SZT2: variants seen among roughly 807,000 people sequenced by gnomAD.
SZT2 encodes the protein KICSTOR complex protein SZT2.
In SZT2, 216 loss-of-function variants were observed where a neutral mutation model predicts 404.2. The observed-to-expected ratio is 0.53, with a 90% CI of 0.48 to 0.60. The LOEUF (loss-of-function observed/expected upper bound fraction) is 0.60, where lower values mean the gene tolerates loss of function less well. Ranked by LOEUF, SZT2 falls within the 20% of genes least tolerant of loss-of-function variation. SZT2 has a pLI of 0.00. For synonymous variants in SZT2, 1,693 were observed against 1,749.9 expected (o/e 0.97, Z 0.81); for missense variants, 3,857 against 4,459.2 (o/e 0.86, Z 3.85).
chr1:43,415,883 C>A, intron 5 of SZT2, 77 bp from the exon 6 acceptor site: 1 of 1,493,494 alleles, frequency 6.7e-7, no homozygotes, highest in South Asian at 1.3e-5. Context: ...AAGTGCTGGG[C>A]TATAAATTCT....
rs1252617271 is a variant in SZT2, at chr1:43,430,672, A to G, written c.4657A>G (p.Thr1553Ala). The G allele has an allele frequency of 2.5e-6, 4 of 1,613,770 alleles. No individual in the cohort carries two copies. The highest frequency in any genetic ancestry group is 2.5e-6 in the Non-Finnish European group (3 of 1,179,944). The change falls in exon 32 of 72, where the codon ACT (threonine) becomes GCT (alanine). Residue 1553 changes from threonine (T) to alanine (A), a missense_variant. This residue lies in a region of SZT2 where 1,725 missense variants were observed against 1,881.0 expected (regional missense o/e 0.92). Coordinates refer to ENST00000634258, the MANE Select transcript of SZT2 (RefSeq NM_001365999.1). ...CAGTATCTTGGGGGGCGACTCACCC[A>G]CTGGGCCTGAGAGCTTCCTTCATGA... ...SFSILGGDSP[T>A]GPESFLHDLP...
Position 43,453,448 on chromosome 1 carries a change from C to G in SZT2, c.*2968C>G, listed in dbSNP as rs1238657612. ...GCTCCAGTCCCTCTCGGAAGGCCGC[C>G]TGTCTCCCGGGGACGGCCCCCAGCC... On this transcript the variant is annotated 3_prime_UTR_variant, in exon 72 of 72. Coordinates refer to ENST00000634258, the MANE Select transcript of SZT2 (RefSeq NM_001365999.1). 2 of 1,564,712 alleles carry G rather than the reference C, an allele frequency of 1.3e-6. No individual in the cohort carries two copies. The highest frequency in any genetic ancestry group is 2.7e-5 in the African/African-American group (2 of 73,504).
intron 1 of SZT2, among the ~76,000 whole-genome samples, chr1:43,400,041 C>T (rs1221100624): frequency 6.6e-6 from 1 of 152,050 alleles, no homozygotes; most frequent in Non-Finnish European, 1.5e-5. Context: ...CAGACTTAAG[C>T]GATCCTCCCA....
In SZT2 at chr1:43,420,109, G is replaced by A. The variant is rs1265926392; in HGVS notation, c.1091-44G>A. ...CTTCCCCCTACAGATCTGTCAGTTG[G>A]CAGATAACCAGTTTCTCCTTCCCCA... On this transcript the variant is annotated intron_variant, in intron 8 of 71. Coordinates refer to ENST00000634258, the MANE Select transcript of SZT2 (RefSeq NM_001365999.1). The surrounding 1 kb of genome is among the most constrained non-coding windows in gnomAD (Gnocchi z 5.1). The A allele has an allele frequency of 4.4e-6, 7 of 1,589,638 alleles. No individual in the cohort carries two copies. In the East Asian group the frequency reaches 8.9e-5, roughly 20 times the overall value.
At chr1:43,391,649 A>G (rs1648331591) in intron 1 of SZT2, among the ~76,000 whole-genome samples, 1 of 152,334 alleles carries the variant, frequency 6.6e-6, no homozygotes, top group African/African-American at 2.4e-5. Context: ...TTCATTATAG[A>G]TTAAAGTGAA....
At chr1:43,422,949 A>G in intron 14 of SZT2, 66 bp downstream of exon 14, 4 of 1,501,926 alleles carry the variant, frequency 2.7e-6, no homozygotes, top group Non-Finnish European at 3.6e-6. Flanking sequence ...CCTCTCCCCA[A>G]ACCCCACAGG....
chr1:43,437,263 G>A lies in SZT2; in HGVS notation c.6127G>A (p.Gly2043Arg), dbSNP rs1301342165. 1 of 1,614,166 alleles carries A rather than the reference G, an allele frequency of 6.2e-7. No individual in the cohort carries two copies. The highest frequency in any genetic ancestry group is 1.7e-5 in the Admixed American group (1 of 60,022). Residue 2043 changes from glycine to arginine, a missense_variant, in exon 43 of 72, where the codon GGA (glycine) becomes AGA (arginine). Around this residue, in one of 7 missense-constraint regions of SZT2, gnomAD observed 261 missense variants for 372.9 expected, o/e 0.70. Coordinates refer to ENST00000634258, the MANE Select transcript of SZT2 (RefSeq NM_001365999.1). The surrounding 1 kb of genome is among the most constrained non-coding windows in gnomAD (Gnocchi z 5.3). Reference protein sequence around the residue: ...PGHFSCDVVWGTVIRVHSRLK... With the variant: ...PGHFSCDVVWRTVIRVHSRLK... ...CCATTTCTCCTGTGACGTTGTGTGGGGAACTGTGATCCGAGTCCATTCACG... is the reference window on the plus strand; with the variant it reads ...CCATTTCTCCTGTGACGTTGTGTGGAGAACTGTGATCCGAGTCCATTCACG...
Position 43,451,052 on chromosome 1 carries a change from C to G in SZT2, c.*572C>G, listed in dbSNP as rs768227541. The G allele has an allele frequency of 1.3e-6, 1 of 791,420 alleles. No homozygotes were observed. Among genetic ancestry groups the G allele is most frequent in the Admixed American group, 1.7e-5 (1 of 58,560 alleles). 49.0% of individuals were successfully genotyped at this position (791,420 alleles called of 1,614,324 possible). ...GTGGGTTCAGAAGCTCTCCCATCTT[C>G]ACAGCAACCCTGGCACTGGCTTCTC... On this transcript the variant is annotated 3_prime_UTR_variant, in exon 72 of 72. Transcript: ENST00000634258.
In SZT2 at chr1:43,453,834, AGGCGGCGGGCGGCG is replaced by A. The variant is rs534101178; in HGVS notation, c.*3374_*3387del. The A allele has an allele frequency of 4.1e-4, 485 of 1,194,608 alleles. No homozygotes were observed. The highest frequency in any genetic ancestry group is 1.7e-3 in the African/African-American group (107 of 62,034). The allele number at this position is 1,194,608 out of a possible 1,614,324, so 74.0% of individuals were successfully genotyped here. On this transcript the variant is annotated 3_prime_UTR_variant, in exon 72 of 72. Coordinates refer to ENST00000634258, the MANE Select transcript of SZT2 (RefSeq NM_001365999.1). ...GCCGGGCGGAGTCCGCGGGATCCAA[AGGCGGCGGGCGGCG>A]GGCGGCGGGCGGCGGGCGGGGGCGG...
chr1:43,393,336 C>T (rs12734031), intron 1 of SZT2, among the ~76,000 whole-genome samples: 1 of 152,110 alleles, frequency 6.6e-6, no homozygotes, highest in Non-Finnish European at 1.5e-5. Flanking sequence ...ATCTGATACT[C>T]AAAAATTATC....
chr1:43,432,592 G>A lies in SZT2; in HGVS notation c.5518G>A (p.Val1840Met), dbSNP rs766998025. 6.8e-6 allele frequency: 11 copies of A among 1,613,820 alleles called. No homozygotes were observed. The highest frequency in any genetic ancestry group is 8.5e-6 in the Non-Finnish European group (10 of 1,179,836). The change falls in exon 38 of 72, where the codon GTG (valine) becomes ATG (methionine). Residue 1840 changes from valine to methionine, a missense_variant. This residue lies in a region of SZT2 where 1,725 missense variants were observed against 1,881.0 expected (regional missense o/e 0.92). Transcript: ENST00000634258. The part of the protein sequence containing the change: ...EGVPLISLPR[V>M]PQGGSQPGPS... ...TGTCCCCCTCATCAGCCTGCCCCGC[G>A]TGCCACAGGGAGGTAAGAGAGGACT...
At position 43,414,576 on chromosome 1, in the gene SZT2, A is replaced by G. The variant is rs1651476779; in HGVS notation, c.499-506A>G. On this transcript the variant is annotated intron_variant, in intron 4 of 71. Transcript: ENST00000634258. Reference sequence around the variant, plus strand: ...GCTGGGATTACAGGTGCCCACCACCATGCACAGCTAATTTTTGTAAAATTG... The same window carrying G: ...GCTGGGATTACAGGTGCCCACCACCGTGCACAGCTAATTTTTGTAAAATTG... Among the ~76,000 whole-genome samples, 4 of 152,256 alleles carry G rather than the reference A, an allele frequency of 2.6e-5. No homozygotes were observed. The South Asian group carries it at 8.3e-4, about 32-fold the overall frequency.
chr1:43,421,035 A>G, intron 10 of SZT2, 52 bp downstream of exon 10: 1 of 1,594,224 alleles, frequency 6.3e-7, no homozygotes, highest in Non-Finnish European at 8.5e-7. Flanking sequence ...GTATGGAGGG[A>G]CAGATTTGCA....
chr1:43,398,889 G>A (rs1255366816), intron 1 of SZT2, among the ~76,000 whole-genome samples: 1 of 152,080 alleles, frequency 6.6e-6, no homozygotes, highest in African/African-American at 2.4e-5. Context: ...AGACCAGCCT[G>A]GCCAATATGG....
At chr1:43,436,538 A>T (rs1208753007) in intron 42 of SZT2, 1 of 152,292 alleles carries the variant, frequency 6.6e-6, no homozygotes, top group African/African-American at 2.4e-5. Context: ...TTTACACAGA[A>T]ACTTCAGCCT....
Position 43,421,254 on chromosome 1 carries a change from C to A in SZT2, c.1577C>A (p.Thr526Asn). Residue 526 changes from threonine (T) to asparagine (N), a missense_variant, in exon 11 of 72, where the codon ACC (threonine) becomes AAC (asparagine). Thr to Asn is a moderately conservative substitution (Grantham distance 65). This residue lies in a region of SZT2 where 39 missense variants were observed against 89.7 expected (regional missense o/e 0.43). Coordinates refer to ENST00000634258, the MANE Select transcript of SZT2 (RefSeq NM_001365999.1). Reference protein sequence around the residue: ...VPEHFTLPDSTKSGVPLFYIP... With the variant: ...VPEHFTLPDSNKSGVPLFYIP... Reference sequence around the variant, plus strand: ...GAGCATTTCACGCTTCCTGACAGCACCAAGAGCGGAGTGCCACTCTTCTAC... The same window carrying A: ...GAGCATTTCACGCTTCCTGACAGCAACAAGAGCGGAGTGCCACTCTTCTAC... 1 of 1,598,610 alleles carries A rather than the reference C, an allele frequency of 6.3e-7. No individual in the cohort carries two copies. Among genetic ancestry groups the A allele is most frequent in the Non-Finnish European group, 8.5e-7 (1 of 1,179,808 alleles).
chr1:43,400,279 C>T (rs556890169), intron 1 of SZT2, among the ~76,000 whole-genome samples: 9 of 152,240 alleles, frequency 5.9e-5, no homozygotes, highest in Middle Eastern at 3.4e-3. Context: ...GAATATAATA[C>T]GCAAGTGCAA....
In SZT2 at chr1:43,428,115, C is replaced by T. The variant is rs760099699; in HGVS notation, c.3916C>T (p.Arg1306Cys). 3.7e-5 allele frequency: 60 copies of T among 1,613,482 alleles called. No individual in the cohort carries two copies. In the Admixed American group the frequency reaches 8.0e-4, roughly 22 times the overall value. ...LQEHAQRCYV[R>C]GLFRSLQQAQ... The stretch of plus-strand genomic sequence containing the variant: ...GGAGCATGCACAGCGGTGCTATGTC[C>T]GTGGTGAGCAGGAGGGCCGTGGGAG... Residue 1306 changes from arginine to cysteine, a missense_variant, in exon 27 of 72, where the codon CGT becomes TGT. Around this residue, in one of 7 missense-constraint regions of SZT2, gnomAD observed 1,725 missense variants for 1,881.0 expected, o/e 0.92. Transcript: ENST00000634258.
At chr1:43,395,551 T>C (rs1648895873) in intron 1 of SZT2, among the ~76,000 whole-genome samples, 1 of 152,204 alleles carries the variant, frequency 6.6e-6, no homozygotes, top group Non-Finnish European at 1.5e-5. Flanking sequence ...TCCGCCCACT[T>C]TGGTCTTCCA....
Sources: gnomAD v4.1 joint callset for allele counts (sites outside exome capture counted in the v4.1 genomes callset) on GRCh38, gnomAD v4.1.1 for gene constraint, gnomAD v4.1.1 regional missense constraint, Gnocchi (gnomAD v3.1) non-coding constraint, MANE v1.5 for transcripts, NCBI Gene and HGNC (gene_info 2026-07-23, HGNC 2026-07-21) for gene names.